The following SPAG16 variants were observed in gnomAD, a reference collection of about 807,000 sequenced individuals.
SPAG16 encodes the protein sperm associated antigen 16.
SPAG16 carries 86 observed loss-of-function variants against 80.4 expected under a neutral mutation model. That is an observed-to-expected ratio of 1.07 (90% CI 0.90 to 1.28). The LOEUF is 1.28. SPAG16 is among the 50% of genes most tolerant of loss of function. The pLI is 0.00. For missense variants in SPAG16, 870 were observed against 765.3 expected (o/e 1.14, Z -1.61); for synonymous variants, 294 against 265.9 (o/e 1.11, Z -1.03).
chr2:214,004,038 A>T (rs1266105675), intron 12 of SPAG16, among the ~76,000 whole-genome samples: 3 of 152,214 alleles, frequency 2.0e-5, no homozygotes, highest in African/African-American at 7.2e-5. Context: ...GCCTAGTTTC[A>T]ACACAAATGG....
At position 213,759,119 on chromosome 2, in the gene SPAG16, A is replaced by G. The variant is rs78478183; in HGVS notation, c.1071-103366A>G. ...GCGAAATTAAGACATCCCCAGGAAA[A>G]CAACAGTTGGGAGAGCTTGTTACCA... is the stretch of plus-strand genomic sequence containing the variant. On this transcript the variant is annotated intron_variant, in intron 10 of 15. Transcript: ENST00000331683. 4.6e-5 allele frequency among the ~76,000 whole-genome samples: 7 copies of G among 152,308 alleles called. No individual in the cohort carries two copies. In the East Asian group the frequency reaches 1.4e-3, roughly 29 times the overall value.
rs114288717 is a variant in SPAG16 at position 214,315,290 on chromosome 2, A to G, written c.1721-94850A>G. Among the ~76,000 whole-genome samples the G allele has an allele frequency of 8.6e-3, 1,312 of 152,278 alleles. 16 individuals carry two copies. Among genetic ancestry groups the G allele is most frequent in the Non-Finnish European group, 0.012 (830 of 68,032 alleles). On this transcript the variant is annotated intron_variant, in intron 15 of 15. Coordinates refer to ENST00000331683, the MANE Select transcript of SPAG16 (RefSeq NM_024532.5). ...CAGGGCTACTGTCAAATTTATAAATACTGTTATTTCTAAATGTATTTAACT... is the reference window on the plus strand; with the variant it reads ...CAGGGCTACTGTCAAATTTATAAATGCTGTTATTTCTAAATGTATTTAACT...
At chr2:214,374,842 C>T (rs1461313715) in intron 15 of SPAG16, among the ~76,000 whole-genome samples, 1 of 152,170 alleles carries the variant, frequency 6.6e-6, no homozygotes, top group Admixed American at 6.5e-5. Flanking sequence ...TTAATAAGCA[C>T]TCCTTCCTGG....
chr2:213,650,489 T>C (rs998902827), intron 10 of SPAG16, among the ~76,000 whole-genome samples: 1 of 152,228 alleles, frequency 6.6e-6, no homozygotes, highest in Admixed American at 6.5e-5. Flanking sequence ...TAGTGAGATA[T>C]GCACTGATAG....
chr2:214,190,976 T>G (rs1442848930), intron 15 of SPAG16, among the ~76,000 whole-genome samples: 1 of 152,092 alleles, frequency 6.6e-6, no homozygotes, highest in Non-Finnish European at 1.5e-5. Flanking sequence ...TAGCGACAGG[T>G]TTAGATTATT....
intron 15 of SPAG16, among the ~76,000 whole-genome samples, chr2:214,283,363 G>A (rs1483169752): frequency 3.3e-5 from 5 of 151,938 alleles, no homozygotes; most frequent in South Asian, 4.2e-4. Flanking sequence ...ATACTTATAG[G>A]GTGTTAAATA....
At chr2:214,236,772 G>T (rs980617682) in intron 15 of SPAG16, among the ~76,000 whole-genome samples, 5 of 152,108 alleles carry the variant, frequency 3.3e-5, no homozygotes, top group Non-Finnish European at 7.4e-5. Flanking sequence ...GAGGTTTTTA[G>T]GTGTCTTCTG....
intron 15 of SPAG16, among the ~76,000 whole-genome samples, chr2:214,335,148 A>G (rs182316189): frequency 1.3e-5 from 2 of 152,182 alleles, no homozygotes; most frequent in Non-Finnish European, 2.9e-5. Flanking sequence ...GTTCCAGATC[A>G]AGAATGTGAC....
intron 11 of SPAG16, among the ~76,000 whole-genome samples, chr2:213,909,411 A>G (rs1055969771): frequency 8.5e-5 from 13 of 152,212 alleles, no homozygotes; most frequent in Admixed American, 2.0e-4. Context: ...AAGAGCCCGC[A>G]TCGCCAAGTC....
intron 9 of SPAG16, among the ~76,000 whole-genome samples, chr2:213,408,391 T>C (rs554382019): frequency 6.6e-6 from 1 of 152,236 alleles, no homozygotes; most frequent in East Asian, 1.9e-4. Context: ...AGTAGAAAAA[T>C]AACTTTTAGA....
intron 9 of SPAG16, among the ~76,000 whole-genome samples, chr2:213,487,404 C>A (rs552368598): frequency 6.6e-6 from 1 of 152,156 alleles, no homozygotes; most frequent in Admixed American, 6.5e-5. Context: ...TTTACCTCTT[C>A]TATCCTGCAC....
chr2:213,479,917 A>G (rs1028570823), intron 9 of SPAG16, among the ~76,000 whole-genome samples: 5 of 152,164 alleles, frequency 3.3e-5, no homozygotes, highest in Non-Finnish European at 7.3e-5. Context: ...GAGGTGATCT[A>G]CGTGTTAAAC....
At chr2:213,656,577 T>C (rs1326164517) in intron 10 of SPAG16, among the ~76,000 whole-genome samples, 2 of 152,190 alleles carry the variant, frequency 1.3e-5, no homozygotes, top group African/African-American at 2.4e-5. Context: ...GTAGTACTCA[T>C]GTTAATTTAT....
chr2:214,239,198 AT>A (rs1034910616), intron 15 of SPAG16: 7 of 151,498 alleles, frequency 4.6e-5, no homozygotes, highest in East Asian at 2.0e-4. Flanking sequence ...GCCTGGCTAA[AT>A]TTTTTTTTGA....
At chr2:213,605,330 G>A (rs549297091) in intron 10 of SPAG16, among the ~76,000 whole-genome samples, 5 of 149,028 alleles carry the variant, frequency 3.4e-5, no homozygotes, top group East Asian at 2.0e-4. Context: ...GCAGTGGTGC[G>A]ATCTCAGCTC....
chr2:213,327,687 C>T (rs1022685296), intron 5 of SPAG16, among the ~76,000 whole-genome samples: 4 of 152,002 alleles, frequency 2.6e-5, no homozygotes, highest in Admixed American at 1.3e-4. Context: ...TAGACGTTCA[C>T]AAAATTTTAA....
chr2:214,374,626 G>A (rs1020086640), intron 15 of SPAG16, among the ~76,000 whole-genome samples: 11 of 152,260 alleles, frequency 7.2e-5, no homozygotes, highest in Middle Eastern at 3.4e-3. Context: ...CAAAATGCTG[G>A]AGAGGCAGCC....
chr2:213,925,731 CT>C (rs2078440123), intron 11 of SPAG16, among the ~76,000 whole-genome samples: 1 of 152,174 alleles, frequency 6.6e-6, no homozygotes, highest in African/African-American at 2.4e-5. Context: ...AATTTCACCC[CT>C]GTGACTTATT....
chr2:213,984,783 A>C (rs1456225074), intron 12 of SPAG16, among the ~76,000 whole-genome samples: 2 of 151,958 alleles, frequency 1.3e-5, no homozygotes, highest in Admixed American at 1.3e-4. Context: ...CACTGTCCCC[A>C]TCCCTCTCTC....
Sources: allele counts gnomAD v4.1 joint callset (sites outside exome capture counted in the v4.1 genomes callset), GRCh38; gene constraint gnomAD v4.1.1; transcripts MANE v1.5; gene names NCBI Gene and HGNC (gene_info 2026-07-23, HGNC 2026-07-21).